The following RBFOX1 variants were observed in gnomAD, a reference collection of about 807,000 sequenced individuals.
The protein encoded by RBFOX1 is RNA binding protein fox-1 homolog 1.
Under a neutral mutation model 57.7 loss-of-function variants are expected in RBFOX1, and 8 were observed. That is an observed-to-expected ratio of 0.14 (90% CI 0.08 to 0.25). RBFOX1 has a LOEUF of 0.25. Ranked by LOEUF, RBFOX1 falls within the 10% of genes least tolerant of loss-of-function variation. The pLI is 1.00. For missense variants in RBFOX1, 611 were observed against 548.5 expected (o/e 1.11, Z -1.14); for synonymous variants, 326 against 222.4 (o/e 1.47, Z -4.15).
chr16:6,676,158 A>ATG (rs2057641639), intron 3 of RBFOX1, among the ~76,000 whole-genome samples: 1 of 151,576 alleles, frequency 6.6e-6, no homozygotes, highest in African/African-American at 2.4e-5. Flanking sequence ...ACACACACAC[A>ATG]CACACACACA....
intron 3 of RBFOX1, among the ~76,000 whole-genome samples, chr16:6,954,375 G>C (rs996030079): frequency 1.2e-4 from 19 of 152,052 alleles, no homozygotes; most frequent in Admixed American, 1.0e-3. Context: ...TCCATTAGTA[G>C]TTCCGGCATG....
intron 3 of RBFOX1, among the ~76,000 whole-genome samples, chr16:5,637,818 A>G (rs537896947): frequency 6.6e-6 from 1 of 152,166 alleles, no homozygotes; most frequent in African/African-American, 2.4e-5. Flanking sequence ...AGGGAGGGCC[A>G]CAGGGCTTAG....
intron 3 of RBFOX1, among the ~76,000 whole-genome samples, chr16:5,668,971 T>C (rs1000343061): frequency 6.6e-5 from 10 of 152,330 alleles, no homozygotes; most frequent in Non-Finnish European, 1.3e-4. Flanking sequence ...TGTAGTAGTA[T>C]TCATGATACA....
intron 3 of RBFOX1, among the ~76,000 whole-genome samples, chr16:6,971,964 G>A (rs1325675563): frequency 6.6e-6 from 1 of 152,156 alleles, no homozygotes; most frequent in Non-Finnish European, 1.5e-5. Flanking sequence ...AATGAGCATG[G>A]AGTCCGTGCC....
At chr16:5,397,113 C>T (rs2066580955) in intron 1 of RBFOX1, among the ~76,000 whole-genome samples, 1 of 152,202 alleles carries the variant, frequency 6.6e-6, no homozygotes. Flanking sequence ...ACAATCAGCT[C>T]ATCCAAAGGC....
intron 3 of RBFOX1, among the ~76,000 whole-genome samples, chr16:6,952,431 G>A (rs147890290): frequency 2.0e-5 from 3 of 152,136 alleles, no homozygotes; most frequent in African/African-American, 7.2e-5. Context: ...AGGATTGCTT[G>A]AGCCCAGGAG....
chr16:6,644,347 G>A (rs1002979279), intron 2 of RBFOX1, among the ~76,000 whole-genome samples: 3 of 152,200 alleles, frequency 2.0e-5, no homozygotes, highest in African/African-American at 7.2e-5. Flanking sequence ...TTTTTGGAGT[G>A]TGATGTCAAA....
intron 4 of RBFOX1, among the ~76,000 whole-genome samples, chr16:5,907,207 G>A (rs936158846): frequency 1.3e-5 from 2 of 152,162 alleles, no homozygotes; most frequent in Admixed American, 1.3e-4. Context: ...CTAAGTCAGT[G>A]ATTTATGTGA....
At chr16:5,556,415 T>C (rs11640110) in intron 2 of RBFOX1, among the ~76,000 whole-genome samples, 58,112 of 152,136 alleles carry the variant, frequency 0.38, 11,406 homozygotes, top group Non-Finnish European at 0.42. Context: ...ATGGCTTGAG[T>C]TCCCAGAGGC....
At chr16:7,034,758 G>A (rs972826205) in intron 3 of RBFOX1, among the ~76,000 whole-genome samples, 7 of 150,594 alleles carry the variant, frequency 4.6e-5, no homozygotes, top group Non-Finnish European at 1.0e-4. Context: ...CTGGGGTTTG[G>A]GGGAGGGGTC....
chr16:7,563,957 A>G (rs532266472), intron 5 of RBFOX1, among the ~76,000 whole-genome samples: 42 of 152,250 alleles, frequency 2.8e-4, no homozygotes, highest in African/African-American at 9.6e-4. Flanking sequence ...ATTTTGAATG[A>G]TTGGATAACT....
intron 1 of RBFOX1, among the ~76,000 whole-genome samples, chr16:6,214,643 G>C (rs1156564232): frequency 1.5e-5 from 2 of 129,668 alleles, no homozygotes; most frequent in Non-Finnish European, 3.3e-5. Context: ...GAGAGGGAGA[G>C]GGACAGGGAG....
chr16:7,207,625 A>C (rs867386766), intron 4 of RBFOX1, among the ~76,000 whole-genome samples: 13 of 152,224 alleles, frequency 8.5e-5, no homozygotes, highest in African/African-American at 2.9e-4. Context: ...CTCCTTGCTG[A>C]GAACAGTCTC....
chr16:6,776,535 C>T (rs1246591309), intron 3 of RBFOX1, among the ~76,000 whole-genome samples: 3 of 152,230 alleles, frequency 2.0e-5, no homozygotes, highest in Admixed American at 1.3e-4. Flanking sequence ...GCTAGAATTA[C>T]AGAGCTTGAT....
chr16:6,298,197 A>G (rs957324239), intron 1 of RBFOX1, among the ~76,000 whole-genome samples: 5 of 152,140 alleles, frequency 3.3e-5, no homozygotes, highest in Non-Finnish European at 5.9e-5. Context: ...AGTGGCAGCA[A>G]TTGAAGAGAT....
At chr16:5,328,044 A>C (rs773992690) in intron 1 of RBFOX1, among the ~76,000 whole-genome samples, 3 of 152,172 alleles carry the variant, frequency 2.0e-5, no homozygotes, top group Non-Finnish European at 2.9e-5. Flanking sequence ...AAACAAATGC[A>C]GCCCCCATGT....
intron 2 of RBFOX1, among the ~76,000 whole-genome samples, chr16:6,467,481 A>G (rs1277167176): frequency 2.0e-5 from 3 of 152,166 alleles, no homozygotes; most frequent in African/African-American, 4.8e-5. Flanking sequence ...TGGGTTTTCC[A>G]AAGTGCCATA....
At chr16:6,838,815 TTC>T (rs2093290338) in intron 3 of RBFOX1, among the ~76,000 whole-genome samples, 1 of 152,146 alleles carries the variant, frequency 6.6e-6, no homozygotes, top group Admixed American at 6.5e-5. Flanking sequence ...GAATACTCCA[TTC>T]TCAGCTTTCT....
intron 4 of RBFOX1, among the ~76,000 whole-genome samples, chr16:7,414,344 A>G (rs2098458848): frequency 6.6e-6 from 1 of 152,234 alleles, no homozygotes; most frequent in Non-Finnish European, 1.5e-5. Context: ...AGTAAAAGTA[A>G]GGTAAGAAGA....
Sources: allele counts gnomAD v4.1 joint callset (sites outside exome capture counted in the v4.1 genomes callset), GRCh38; gene constraint gnomAD v4.1.1; transcripts MANE v1.5; gene names NCBI Gene and HGNC (gene_info 2026-07-23, HGNC 2026-07-21).